Variants in TRRAP observed in about 807,000 individuals in gnomAD.
TRRAP encodes transformation/transcription domain-associated protein.
Under a neutral mutation model 438.8 loss-of-function variants are expected in TRRAP, and 41 were observed. The observed-to-expected ratio is 0.09, with a 90% CI of 0.07 to 0.12. The LOEUF is 0.12. Among genes scored for constraint, TRRAP ranks in the 10% least tolerant of loss-of-function variants. TRRAP has a pLI of 1.00. For synonymous variants in TRRAP, 1,994 were observed against 1,962.9 expected (o/e 1.02, Z -0.42); for missense variants, 3,122 against 5,055.1 (o/e 0.62, Z 11.60).
chr7:98,957,921 G>C (rs1252166082), intron 43 of TRRAP, 60 bp from the exon 44 acceptor site: 1 of 1,489,702 alleles, frequency 6.7e-7, no homozygotes, highest in Non-Finnish European at 9.2e-7. Context: ...GAAAAGTCAA[G>C]CCTGGGTTGG....
At chr7:98,940,138 C>T (rs1463215793) in intron 30 of TRRAP, among the ~76,000 whole-genome samples, 1 of 151,980 alleles carries the variant, frequency 6.6e-6, no homozygotes, top group Non-Finnish European at 1.5e-5. Flanking sequence ...CCTGCCTTGA[C>T]TTCCTGAAGT....
At position 98,915,852 on chromosome 7, in the gene TRRAP, C is replaced by A; in HGVS notation, c.2329C>A (p.Gln777Lys). 1 of 1,614,218 alleles carries A rather than the reference C, an allele frequency of 6.2e-7. No homozygotes were observed. The stretch of plus-strand genomic sequence containing the variant: ...TGGAGGTAGCCACGATCTCTTGTAT[C>A]AGGAGTTCTTGCCTCTCCTTCCAAA... The part of the protein sequence containing the change: ...IGGGSHDLLY[Q>K]EFLPLLPNLL... The change falls in exon 19 of 73, where the codon CAG becomes AAG. Residue 777 changes from glutamine (Q) to lysine (K), a missense_variant. Gln to Lys is a moderately conservative substitution (Grantham distance 53). This residue lies in a region of TRRAP where 149 missense variants were observed against 302.8 expected (regional missense o/e 0.49). Coordinates refer to ENST00000456197, the MANE Select transcript of TRRAP (RefSeq NM_001375524.1).
rs1367626292 is a variant in TRRAP, at chr7:99,012,518, A to G, written c.*163A>G. On this transcript the variant is annotated 3_prime_UTR_variant, in exon 73 of 73. Transcript: ENST00000456197. The surrounding 1 kb of genome is among the most constrained non-coding windows in gnomAD (Gnocchi z 5.9). ...AGTTTGCGTGTAAGAAAGGGAGAAT[A>G]TAGTTTTAGAGGAAGCTGAACTATG... 2 of 878,622 alleles carry G rather than the reference A, an allele frequency of 2.3e-6. No individual in the cohort carries two copies. The highest frequency in any genetic ancestry group is 1.7e-6 in the Non-Finnish European group (1 of 593,336). 54.4% of individuals were successfully genotyped at this position (878,622 alleles called of 1,614,324 possible).
At chr7:98,915,940 G>T in intron 19 of TRRAP, 52 bp downstream of exon 19, 1 of 1,604,316 alleles carries the variant, frequency 6.2e-7, no homozygotes, top group Admixed American at 1.7e-5. Flanking sequence ...ATGTAGTCAT[G>T]TGTCTAGCCA....
chr7:98,911,232 T>A lies in TRRAP; in HGVS notation c.1968T>A (p.Pro656=), dbSNP rs890738033. ...AAGAAATCTTCCAAACTACGGTCCC[T>A]TATATGGTGGAGAGAATCTCAAAAA... ...TFKEIFQTTV[P]YMVERISKNY... The change falls in exon 17 of 73, where the codon CCT becomes CCA. Residue 656 remains proline (P), a synonymous_variant. Transcript: ENST00000456197. The A allele has an allele frequency of 1.2e-6, 2 of 1,613,962 alleles. No homozygotes were observed. Among genetic ancestry groups the A allele is most frequent in the Non-Finnish European group, 1.7e-6 (2 of 1,179,928 alleles).
intron 67 of TRRAP, among the ~76,000 whole-genome samples, chr7:99,002,839 C>A (rs945936157): frequency 2.0e-5 from 3 of 152,206 alleles, no homozygotes; most frequent in African/African-American, 7.2e-5. Context: ...GGTGTTATCA[C>A]GCGTGGGCAG....
At chr7:98,991,489 C>T (rs565698506) in intron 64 of TRRAP, among the ~76,000 whole-genome samples, 24 of 152,312 alleles carry the variant, frequency 1.6e-4, no homozygotes, top group African/African-American at 5.8e-4. Flanking sequence ...GGATGCAGGT[C>T]CGACCTACTT....
At position 98,955,368 on chromosome 7, in the gene TRRAP, C is replaced by T. The variant is rs1791551654; in HGVS notation, c.5937+64C>T. The T allele has an allele frequency of 1.1e-5, 16 of 1,487,674 alleles. No individual in the cohort carries two copies. In the East Asian group the frequency reaches 3.7e-4, roughly 34 times the overall value. The allele number at this position is 1,487,674 out of a possible 1,614,324, so 92.2% of individuals were successfully genotyped here. A position where few individuals can be genotyped will look rare whatever the true frequency, so the allele number is the denominator to read the frequency against. On this transcript the variant is annotated intron_variant, in intron 41 of 72. Transcript: ENST00000456197. ...TCAGGCATTCACTTTGAACCTTTAC[C>T]TTGTCTTGTTCTGCAATAATCAGGT...
chr7:98,906,228 C>T lies in TRRAP; in HGVS notation c.1088C>T (p.Ser363Leu), dbSNP rs1349647330. The change falls in exon 13 of 73, where the codon TCA becomes TTA. Residue 363 changes from serine to leucine, a missense_variant. Transcript: ENST00000456197. Reference protein sequence around the residue: ...KLFDESILIGSGYTARETLRP... With the variant: ...KLFDESILIGLGYTARETLRP... ...TTTGATGAATCCATACTAATTGGCT[C>T]AGGATATACTGCCAGAGAGACTCTA... The T allele has an allele frequency of 1.9e-6, 3 of 1,613,764 alleles. No homozygotes were observed. In the African/African-American group the frequency reaches 4.0e-5, roughly 22 times the overall value.
At chr7:98,891,748 CAGGATGGTCTCGATCTCCTG>C (rs1795989428) in intron 4 of TRRAP, among the ~76,000 whole-genome samples, 1 of 150,952 alleles carries the variant, frequency 6.6e-6, no homozygotes, top group East Asian at 2.0e-4. Flanking sequence ...CCATGTTAGC[CAGGATGGTCTCGATCTCCTG>C]ACCTCGTGAT....
chr7:99,002,123 G>A (rs867152266), intron 67 of TRRAP, among the ~76,000 whole-genome samples: 18 of 150,110 alleles, frequency 1.2e-4, no homozygotes, highest in East Asian at 9.9e-4. Context: ...GGGGAGAGGC[G>A]GGGGGGTGGG....
intron 49 of TRRAP, among the ~76,000 whole-genome samples, chr7:98,966,178 C>T (rs920220680): frequency 1.5e-4 from 22 of 150,910 alleles, no homozygotes; most frequent in Non-Finnish European, 8.9e-5. Context: ...TGGTGGCGGG[C>T]GCCTGCAGTC....
At chr7:98,926,276 C>T (rs782065712) in intron 22 of TRRAP, among the ~76,000 whole-genome samples, 17 of 151,650 alleles carry the variant, frequency 1.1e-4, no homozygotes, top group Admixed American at 3.3e-4. Flanking sequence ...TGTGCAGATC[C>T]GAGATGTTGA....
chr7:98,979,849 A>G (rs1022793730), intron 58 of TRRAP, among the ~76,000 whole-genome samples: 1 of 152,214 alleles, frequency 6.6e-6, no homozygotes, highest in Non-Finnish European at 1.5e-5. Context: ...TTAATTTCAA[A>G]TAGTCTTGAA....
At chr7:98,963,275 C>G (rs1261209045) in intron 47 of TRRAP, among the ~76,000 whole-genome samples, 1 of 152,202 alleles carries the variant, frequency 6.6e-6, no homozygotes, top group Non-Finnish European at 1.5e-5. Flanking sequence ...GTCCCTTGCT[C>G]TCTTAGCTTG....
intron 27 of TRRAP, among the ~76,000 whole-genome samples, chr7:98,935,139 A>G (rs1374196903): frequency 8.0e-5 from 12 of 150,134 alleles, no homozygotes; most frequent in African/African-American, 2.9e-4. Flanking sequence ...TCTGTACTTG[A>G]AAAAAAAAAG....
intron 28 of TRRAP, 58 bp downstream of exon 28, chr7:98,935,733 C>T: frequency 7.3e-7 from 1 of 1,377,916 alleles, no homozygotes; most frequent in Non-Finnish European, 9.8e-7. Context: ...CACAGGAGGT[C>T]TATAGAAAAA....
chr7:98,923,192 G>A (rs79510254), intron 21 of TRRAP, among the ~76,000 whole-genome samples: 1,609 of 152,240 alleles, frequency 0.011, 11 homozygotes, highest in Non-Finnish European at 0.016. Context: ...TGTCTTTTGC[G>A]TATTTTATTT....
At chr7:98,893,198 C>A (rs151004844) in intron 5 of TRRAP, among the ~76,000 whole-genome samples, 8 of 152,312 alleles carry the variant, frequency 5.3e-5, no homozygotes, top group African/African-American at 1.9e-4. Flanking sequence ...GATCCACCCG[C>A]TTTGGCCTCC....
Sources: allele counts gnomAD v4.1 joint callset (sites outside exome capture counted in the v4.1 genomes callset), GRCh38; gene constraint gnomAD v4.1.1; regional missense constraint gnomAD v4.1.1; non-coding constraint Gnocchi (gnomAD v3.1); transcripts MANE v1.5; gene names NCBI Gene and HGNC (gene_info 2026-07-23, HGNC 2026-07-21).